The following PDE3A variants were observed in gnomAD, a reference collection of about 807,000 sequenced individuals.
PDE3A encodes the protein phosphodiesterase 3A.
Under a neutral mutation model 98.3 loss-of-function variants are expected in PDE3A, and 43 were observed. The ratio of observed to expected loss-of-function variants is 0.44; its 90% CI spans 0.34 to 0.56. PDE3A has a LOEUF of 0.56. Among genes scored for constraint, PDE3A ranks in the 20% least tolerant of loss-of-function variants. The pLI is 0.01. For synonymous variants in PDE3A, 663 were observed against 567.9 expected (o/e 1.17, Z -2.38); for missense variants, 1,427 against 1,440.7 (o/e 0.99, Z 0.15).
At chr12:20,441,393 A>G (rs1334535562) in intron 1 of PDE3A, among the ~76,000 whole-genome samples, 1 of 152,164 alleles carries the variant, frequency 6.6e-6, no homozygotes, top group Non-Finnish European at 1.5e-5. Context: ...GTAGCAGAAG[A>G]GTGAAAAAAA....
chr12:20,650,688 ATCAC>A lies in PDE3A; in HGVS notation c.2925+91_2925+94del, dbSNP rs1177207203. On this transcript the variant is annotated intron_variant, in intron 14 of 15. Coordinates refer to ENST00000359062, the MANE Select transcript of PDE3A (RefSeq NM_000921.5). ...AGCTTCTAACAGCTATGAAAGTATG[ATCAC>A]TCTATTTTATATTCATACTTTTGTC... 1.8e-5 allele frequency: 13 copies of A among 735,476 alleles called. No individual in the cohort carries two copies. In the East Asian group the frequency reaches 3.1e-4, roughly 18 times the overall value. 45.6% of individuals were successfully genotyped at this position (735,476 alleles called of 1,614,324 possible).
intron 2 of PDE3A, among the ~76,000 whole-genome samples, chr12:20,569,512 A>G (rs1942744116): frequency 1.3e-5 from 2 of 152,142 alleles, no homozygotes; most frequent in South Asian, 4.1e-4. Flanking sequence ...ACAGGATAAG[A>G]GAAGAATTGT....
At chr12:20,487,479 C>A (rs1945748970) in intron 1 of PDE3A, among the ~76,000 whole-genome samples, 1 of 98,580 alleles carries the variant, frequency 1.0e-5, no homozygotes, top group Non-Finnish European at 1.9e-5. Context: ...GCCTGGTCAA[C>A]ATGGTGAAAC....
chr12:20,393,926 A>G (rs1943963724), intron 1 of PDE3A, among the ~76,000 whole-genome samples: 1 of 152,016 alleles, frequency 6.6e-6, no homozygotes, highest in African/African-American at 2.4e-5. Flanking sequence ...TCAATGCTGT[A>G]GTGAGCCACA....
intron 1 of PDE3A, among the ~76,000 whole-genome samples, chr12:20,554,378 AAAAT>A (rs1368183381): frequency 6.8e-6 from 1 of 147,916 alleles, no homozygotes; most frequent in Non-Finnish European, 1.5e-5. Context: ...AAAAATAAAA[AAAAT>A]AAAAAAAGAT....
chr12:20,511,710 T>C (rs74716468), intron 1 of PDE3A, among the ~76,000 whole-genome samples: 2,000 of 152,174 alleles, frequency 0.013, 32 homozygotes, highest in African/African-American at 0.046. Flanking sequence ...TCCTTAAGTG[T>C]GGGCTACTCA....
intron 1 of PDE3A, among the ~76,000 whole-genome samples, chr12:20,479,052 A>G (rs1945578750): frequency 6.6e-6 from 1 of 152,068 alleles, no homozygotes; most frequent in Non-Finnish European, 1.5e-5. Context: ...TCTTATCTCT[A>G]CTTTTGCTTA....
chr12:20,540,180 A>G (rs190003019), intron 1 of PDE3A, among the ~76,000 whole-genome samples: 14 of 152,260 alleles, frequency 9.2e-5, no homozygotes, highest in African/African-American at 3.4e-4. Flanking sequence ...AATACATAGC[A>G]CAGTTTCTCA....
intron 10 of PDE3A, among the ~76,000 whole-genome samples, chr12:20,646,266 C>T (rs993953288): frequency 6.6e-6 from 1 of 152,110 alleles, no homozygotes; most frequent in African/African-American, 2.4e-5. Context: ...ACTTCAGATA[C>T]CTGCATGCAT....
At chr12:20,482,105 T>A (rs534503495) in intron 1 of PDE3A, among the ~76,000 whole-genome samples, 3 of 152,242 alleles carry the variant, frequency 2.0e-5, no homozygotes, top group Admixed American at 2.0e-4. Flanking sequence ...TAATTTTCTC[T>A]AACAAGTACA....
At chr12:20,629,059 G>A (rs556498046) in intron 5 of PDE3A, among the ~76,000 whole-genome samples, 1 of 152,306 alleles carries the variant, frequency 6.6e-6, no homozygotes, top group African/African-American at 2.4e-5. Flanking sequence ...ATGAAAACCA[G>A]TAAGCAGGTT....
chr12:20,664,473 T>G (rs1945258852), intron 15 of PDE3A, among the ~76,000 whole-genome samples: 1 of 152,148 alleles, frequency 6.6e-6, no homozygotes, highest in African/African-American at 2.4e-5. Flanking sequence ...AGAATACCTC[T>G]ATTCATTTTC....
intron 1 of PDE3A, among the ~76,000 whole-genome samples, chr12:20,488,570 A>G (rs1263359189): frequency 6.6e-6 from 1 of 151,880 alleles, no homozygotes; most frequent in Non-Finnish European, 1.5e-5. Flanking sequence ...GGCTTACACC[A>G]GTATGTAATC....
intron 10 of PDE3A, among the ~76,000 whole-genome samples, chr12:20,644,836 C>T (rs1944735213): frequency 6.8e-6 from 1 of 147,862 alleles, no homozygotes; most frequent in Non-Finnish European, 1.5e-5. Context: ...TCCTTCCCCT[C>T]CTCCTCCTCC....
intron 1 of PDE3A, among the ~76,000 whole-genome samples, chr12:20,523,269 T>A (rs896415291): frequency 2.0e-5 from 3 of 152,132 alleles, no homozygotes; most frequent in African/African-American, 4.8e-5. Context: ...GGCCAGGGCT[T>A]CTTGCCATAC....
At chr12:20,498,051 C>G (rs7131827) in intron 1 of PDE3A, among the ~76,000 whole-genome samples, 1 of 151,968 alleles carries the variant, frequency 6.6e-6, no homozygotes, top group East Asian at 1.9e-4. Context: ...TAGTGTTATA[C>G]GGTAGGCTAA....
intron 1 of PDE3A, among the ~76,000 whole-genome samples, chr12:20,505,766 T>C (rs1286139985): frequency 6.6e-6 from 1 of 152,114 alleles, no homozygotes; most frequent in East Asian, 1.9e-4. Flanking sequence ...AATATATTTT[T>C]AATGAGGAAG....
intron 1 of PDE3A, among the ~76,000 whole-genome samples, chr12:20,466,090 C>T (rs1323281206): frequency 2.0e-5 from 3 of 152,046 alleles, no homozygotes; most frequent in African/African-American, 4.8e-5. Context: ...AAAGCATGTT[C>T]CCTAGAGATC....
chr12:20,529,086 T>C (rs1163729048), intron 1 of PDE3A, among the ~76,000 whole-genome samples: 1 of 152,118 alleles, frequency 6.6e-6, no homozygotes, highest in East Asian at 1.9e-4. Flanking sequence ...GCTAGAAAGG[T>C]CTTGGAGATT....
Sources: allele counts gnomAD v4.1 joint callset (sites outside exome capture counted in the v4.1 genomes callset), GRCh38; gene constraint gnomAD v4.1.1; transcripts MANE v1.5; gene names NCBI Gene and HGNC (gene_info 2026-07-23, HGNC 2026-07-21).